Variants in FBXL13 observed in about 807,000 individuals in gnomAD.
The protein encoded by FBXL13 is F-box and leucine rich repeat protein 13, also known as F-box and leucine-rich repeat protein 13.
In FBXL13, 67 loss-of-function variants were observed where a neutral mutation model predicts 83.6. The observed-to-expected ratio is 0.80, with a 90% CI of 0.66 to 0.98. The LOEUF is 0.98. Among genes scored for constraint, FBXL13 ranks in the 50% least tolerant of loss-of-function variants. The pLI, the probability that FBXL13 is intolerant of heterozygous loss-of-function variation, is 0.00. For synonymous variants in FBXL13, 272 were observed against 299.5 expected (o/e 0.91, Z 0.95); for missense variants, 822 against 866.5 (o/e 0.95, Z 0.64).
At chr7:102,960,664 G>A (rs1329318505) in intron 8 of FBXL13, among the ~76,000 whole-genome samples, 2 of 152,186 alleles carry the variant, frequency 1.3e-5, no homozygotes, top group Non-Finnish European at 1.5e-5. Flanking sequence ...TCCCTGGGAT[G>A]CAAGGCTGGT....
chr7:103,069,517 A>G (rs550862136), intron 1 of FBXL13, among the ~76,000 whole-genome samples: 10 of 152,326 alleles, frequency 6.6e-5, no homozygotes, highest in Non-Finnish European at 1.3e-4. Flanking sequence ...ATCTCTCACA[A>G]TCTTTCAGTC....
rs1310035697 is a variant in FBXL13 at position 102,833,612 on chromosome 7, A to G, written c.1720-638T>C. On this transcript the variant is annotated intron_variant, in intron 17 of 19. Transcript: ENST00000313221. ...CGGCTAATTCTTTTTTTTTTTTTTT[A>G]GTAGAGATGGGGTTTCTCTAGGTTG... is the stretch of plus-strand genomic sequence containing the variant. 2.2e-5 allele frequency among the ~76,000 whole-genome samples: 3 copies of G among 138,652 alleles called. No individual in the cohort carries two copies. The East Asian group carries it at 6.7e-4, about 31-fold the overall frequency. The allele number at this position is 138,652 out of a possible 152,430, so 91.0% of individuals were successfully genotyped here.
At chr7:102,893,948 AAGAAAGAAAGAAAGAG>A (rs1811892724) in intron 11 of FBXL13, among the ~76,000 whole-genome samples, 1 of 126,314 alleles carries the variant, frequency 7.9e-6, no homozygotes, top group Non-Finnish European at 1.6e-5. Context: ...AAGAGAAAGA[AAGAAAGAAAGAAAGAG>A]AGAAAGAAAG....
chr7:102,834,087 A>AGGG (rs60618094), intron 17 of FBXL13, among the ~76,000 whole-genome samples: 2 of 59,678 alleles, frequency 3.4e-5, no homozygotes, highest in African/African-American at 5.8e-5. Flanking sequence ...GAAGGAAAGA[A>AGGG]AAGAAAGAAA....
intron 18 of FBXL13, among the ~76,000 whole-genome samples, chr7:102,831,127 C>T (rs1800595792): frequency 6.6e-6 from 1 of 152,140 alleles, no homozygotes; most frequent in Non-Finnish European, 1.5e-5. Context: ...ACCAATCTCC[C>T]ACCTGGAGAA....
intron 17 of FBXL13, among the ~76,000 whole-genome samples, chr7:102,844,751 A>G (rs1036977370): frequency 1.3e-5 from 2 of 152,126 alleles, no homozygotes; most frequent in Non-Finnish European, 2.9e-5. Flanking sequence ...CCCACAGGTT[A>G]AGAGCCCAAT....
intron 2 of FBXL13, among the ~76,000 whole-genome samples, chr7:103,040,520 C>T (rs540380190): frequency 1.3e-5 from 2 of 152,282 alleles, no homozygotes; most frequent in African/African-American, 4.8e-5. Flanking sequence ...ACAGAATATA[C>T]ACTCTTCTGA....
intron 2 of FBXL13, among the ~76,000 whole-genome samples, chr7:103,034,185 T>C (rs1794827805): frequency 6.6e-6 from 1 of 152,190 alleles, no homozygotes; most frequent in African/African-American, 2.4e-5. Context: ...CTTCACCCAG[T>C]GGATCTCGCA....
intron 16 of FBXL13, among the ~76,000 whole-genome samples, chr7:102,873,431 T>C (rs1438123781): frequency 6.6e-6 from 1 of 152,194 alleles, no homozygotes; most frequent in Non-Finnish European, 1.5e-5. Context: ...CTCTATCTCA[T>C]TGTTTCTTCT....
At chr7:102,879,308 T>TGAGCA (rs1809674382) in intron 14 of FBXL13, among the ~76,000 whole-genome samples, 1 of 152,140 alleles carries the variant, frequency 6.6e-6, no homozygotes, top group Non-Finnish European at 1.5e-5. Flanking sequence ...TGCAAAGAAC[T>TGAGCA]GAGCAGTTAA....
At chr7:102,927,842 C>T (rs915979456) in intron 9 of FBXL13, among the ~76,000 whole-genome samples, 1 of 152,206 alleles carries the variant, frequency 6.6e-6, no homozygotes, top group Non-Finnish European at 1.5e-5. Context: ...AGAATAACCA[C>T]GTGTGGCACT....
intron 9 of FBXL13, among the ~76,000 whole-genome samples, chr7:102,930,620 GA>G (rs879736514): frequency 2.6e-5 from 4 of 152,126 alleles, no homozygotes; most frequent in Non-Finnish European, 4.4e-5. Context: ...GGTTCTTTCT[GA>G]AACTCTTTAC....
intron 6 of FBXL13, among the ~76,000 whole-genome samples, chr7:103,015,049 A>T (rs1462827156): frequency 6.6e-6 from 1 of 152,200 alleles, no homozygotes; most frequent in African/African-American, 2.4e-5. Context: ...AACACATGCA[A>T]ATCAATAAAT....
chr7:102,836,778 A>T (rs929576390), intron 17 of FBXL13, among the ~76,000 whole-genome samples: 1 of 151,946 alleles, frequency 6.6e-6, no homozygotes, highest in Admixed American at 6.6e-5. Flanking sequence ...ACTGAATTTC[A>T]CTCACATTTA....
In FBXL13 at chr7:103,003,292, T is replaced by TTG. The variant is rs1554497149; in HGVS notation, c.495+21770_495+21771insCA. Among the ~76,000 whole-genome samples the TTG allele has an allele frequency of 1.8e-3, 228 of 127,630 alleles. 3 individuals carry two copies. Among genetic ancestry groups the TTG allele is most frequent in the African/African-American group, 6.4e-3 (216 of 33,562 alleles). The allele number at this position is 127,630 out of a possible 152,430, so 83.7% of individuals were successfully genotyped here. ...GTTGTTTTGGGGTTTTTTTTTTTTT[T>TTG]TTTTTTTTTTTTTGAGACAGACTCT... is the stretch of plus-strand genomic sequence containing the variant. On this transcript the variant is annotated intron_variant, in intron 6 of 19. Coordinates refer to ENST00000313221, the Ensembl canonical transcript of FBXL13.
At chr7:102,975,785 C>T in intron 6 of FBXL13, 1 of 596,612 alleles carries the variant, frequency 1.7e-6, no homozygotes, top group Non-Finnish European at 3.0e-6. Flanking sequence ...CCTCAAACCC[C>T]ACAACGAGAC....
chr7:103,073,547 T>C (rs1453296374), intron 1 of FBXL13, among the ~76,000 whole-genome samples: 2 of 152,178 alleles, frequency 1.3e-5, no homozygotes, highest in South Asian at 2.1e-4. Context: ...GGTACAGATA[T>C]ACTTTATTCT....
chr7:102,826,753 A>ATATATATATG lies in FBXL13; in HGVS notation c.1855-4551_1855-4550insCATATATATA, dbSNP rs1554400880. 3.6e-3 allele frequency among the ~76,000 whole-genome samples: 409 copies of ATATATATATG among 112,224 alleles called. 7 individuals carry two copies. Among genetic ancestry groups the ATATATATATG allele is most frequent in the South Asian group, 5.2e-3 (20 of 3,842 alleles). 73.6% of individuals were successfully genotyped at this position (112,224 alleles called of 152,430 possible). ...TATATATATATATATATATATATATATATATATATATATATATATGTATAT... is the reference window on the plus strand; with the variant it reads ...TATATATATATATATATATATATATATATATATATGTATATATATATATATATATGTATAT... On this transcript the variant is annotated intron_variant, in intron 18 of 19. Transcript: ENST00000313221.
intron 10 of FBXL13, among the ~76,000 whole-genome samples, chr7:102,914,830 G>A (rs968742385): frequency 6.6e-6 from 1 of 152,158 alleles, no homozygotes; most frequent in East Asian, 1.9e-4. Context: ...GGACTGAGCT[G>A]TGCTAAAGTT....
Sources: allele counts gnomAD v4.1 joint callset (sites outside exome capture counted in the v4.1 genomes callset), GRCh38; gene constraint gnomAD v4.1.1; transcripts MANE v1.5; gene names NCBI Gene and HGNC (gene_info 2026-07-23, HGNC 2026-07-21).